ANKS1B: variants seen among roughly 807,000 people sequenced by gnomAD.
ANKS1B encodes the protein ankyrin repeat and sterile alpha motif domain containing 1B.
A neutral mutation model predicts 148.3 loss-of-function variants in ANKS1B; 36 were observed. The ratio of observed to expected loss-of-function variants is 0.24; its 90% CI spans 0.19 to 0.32. ANKS1B has a LOEUF of 0.32. Among genes scored for constraint, ANKS1B ranks in the 10% least tolerant of loss-of-function variants. The pLI, the probability that ANKS1B is intolerant of heterozygous loss-of-function variation, is 1.00. For synonymous variants in ANKS1B, 542 were observed against 560.8 expected, an observed-to-expected ratio of 0.97 and a Z score of 0.47; for missense variants, 1,157 against 1,542.6, an observed-to-expected ratio of 0.75 and a Z score of 4.19.
chr12:99,022,656 G>A (rs1210289873), intron 17 of ANKS1B, among the ~76,000 whole-genome samples: 2 of 151,818 alleles, frequency 1.3e-5, no homozygotes, highest in African/African-American at 4.8e-5. Flanking sequence ...AATTTCGAGG[G>A]TATGTTGAAG....
Position 99,912,580 on chromosome 12 carries a change from G to A in ANKS1B, c.134+71524C>T, listed in dbSNP as rs1049177137. ...TTGGCCAGGCTGGTCTGGAACTCCCGGCCTTAAGCAATCTGCCCGTTTCAG... is the reference window on the plus strand; with the variant it reads ...TTGGCCAGGCTGGTCTGGAACTCCCAGCCTTAAGCAATCTGCCCGTTTCAG... On this transcript the variant is annotated intron_variant, in intron 1 of 26. Transcript: ENST00000683438. Among the ~76,000 whole-genome samples, 11 of 152,200 alleles carry A rather than the reference G, an allele frequency of 7.2e-5. No homozygotes were observed. The East Asian group carries it at 7.7e-4, about 11-fold the overall frequency.
At chr12:99,037,094 T>C (rs146550655) in intron 17 of ANKS1B, among the ~76,000 whole-genome samples, 148 of 152,374 alleles carry the variant, frequency 9.7e-4, no homozygotes, top group African/African-American at 3.4e-3. Context: ...ATGCAAATAC[T>C]AGACCTCACT....
chr12:99,839,505 C>G (rs1438684994), intron 1 of ANKS1B, among the ~76,000 whole-genome samples: 1 of 152,036 alleles, frequency 6.6e-6, no homozygotes, highest in Non-Finnish European at 1.5e-5. Flanking sequence ...ACTACGCAAT[C>G]CACAGAAGGT....
chr12:98,862,750 A>G (rs1342831094), intron 17 of ANKS1B, among the ~76,000 whole-genome samples: 4 of 152,194 alleles, frequency 2.6e-5, no homozygotes, highest in Non-Finnish European at 5.9e-5. Flanking sequence ...TCAATAATGC[A>G]CATCCCCTCT....
chr12:99,051,071 C>T (rs759758028), intron 17 of ANKS1B, among the ~76,000 whole-genome samples: 9 of 152,216 alleles, frequency 5.9e-5, no homozygotes, highest in Middle Eastern at 3.4e-3. Context: ...CCCTAAGCCC[C>T]GGCAGTAAAG....
chr12:99,401,211 A>G (rs962356146), intron 11 of ANKS1B, among the ~76,000 whole-genome samples: 2 of 146,170 alleles, frequency 1.4e-5, no homozygotes, highest in African/African-American at 5.2e-5. Flanking sequence ...ATCAGGGTTT[A>G]ATGTCAGGCT....
At chr12:99,645,694 G>A (rs1359203074) in intron 9 of ANKS1B, among the ~76,000 whole-genome samples, 1 of 152,134 alleles carries the variant, frequency 6.6e-6, no homozygotes, top group African/African-American at 2.4e-5. Flanking sequence ...CTCAAGTTCA[G>A]GTAGTTTTTT....
intron 17 of ANKS1B, among the ~76,000 whole-genome samples, chr12:98,873,660 T>G (rs544809758): frequency 7.9e-5 from 12 of 152,294 alleles, no homozygotes; most frequent in African/African-American, 2.9e-4. Flanking sequence ...AAGGGGCAAC[T>G]GCTCTGAAAC....
In ANKS1B at chr12:99,747,910, C is replaced by T. The variant is rs181717722; in HGVS notation, c.1128+25012G>A. 3.4e-3 allele frequency among the ~76,000 whole-genome samples: 525 copies of T among 152,206 alleles called. 2 individuals carry two copies. Among genetic ancestry groups the T allele is most frequent in the African/African-American group, 0.012 (485 of 41,554 alleles). On this transcript the variant is annotated intron_variant, in intron 8 of 26. Coordinates refer to ENST00000683438, the MANE Select transcript of ANKS1B (RefSeq NM_001352186.2). The stretch of plus-strand genomic sequence containing the variant: ...CATCCAAAAGAAACACATGAGTACA[C>T]CTAAAATCTGAAAGTCAGGAGAAGA...
intron 12 of ANKS1B, among the ~76,000 whole-genome samples, chr12:99,248,467 T>C (rs1204727581): frequency 6.6e-6 from 1 of 152,168 alleles, no homozygotes; most frequent in Non-Finnish European, 1.5e-5. Flanking sequence ...TCTGCATCCA[T>C]CTACTACTAT....
chr12:99,108,693 A>G (rs2059705396), intron 15 of ANKS1B, among the ~76,000 whole-genome samples: 2 of 152,208 alleles, frequency 1.3e-5, no homozygotes, highest in Non-Finnish European at 2.9e-5. Flanking sequence ...GTGACTAAAG[A>G]AATGGTTGCC....
chr12:99,504,686 G>T (rs1206113693), intron 9 of ANKS1B, 45 bp from the exon 10 acceptor site: 3 of 1,385,982 alleles, frequency 2.2e-6, no homozygotes, highest in Admixed American at 2.9e-5. Flanking sequence ...TGAAGAAACA[G>T]CCTTGTTTAA....
At chr12:99,871,001 G>A (rs1218132188) in intron 1 of ANKS1B, among the ~76,000 whole-genome samples, 2 of 151,988 alleles carry the variant, frequency 1.3e-5, no homozygotes, top group Admixed American at 6.6e-5. Flanking sequence ...CTTTCCCAAG[G>A]CCAATGTCCA....
At chr12:99,737,776 T>G (rs889296577) in intron 8 of ANKS1B, among the ~76,000 whole-genome samples, 4 of 152,094 alleles carry the variant, frequency 2.6e-5, no homozygotes, top group African/African-American at 9.6e-5. Context: ...TCTCAAGTTC[T>G]TAGATCCTCG....
chr12:99,195,388 T>C (rs1292130285), intron 14 of ANKS1B, among the ~76,000 whole-genome samples: 2 of 152,104 alleles, frequency 1.3e-5, no homozygotes, highest in Non-Finnish European at 2.9e-5. Context: ...TAGTGTCAAA[T>C]GTTGATTTGG....
chr12:99,068,201 C>T (rs1392721291), intron 16 of ANKS1B, among the ~76,000 whole-genome samples: 1 of 151,962 alleles, frequency 6.6e-6, no homozygotes, highest in East Asian at 1.9e-4. Context: ...CTTGGGTATA[C>T]ATTTGAAATA....
At chr12:99,231,331 A>G (rs2086802847) in intron 14 of ANKS1B, among the ~76,000 whole-genome samples, 1 of 152,060 alleles carries the variant, frequency 6.6e-6, no homozygotes, top group African/African-American at 2.4e-5. Flanking sequence ...TGTCTGTATG[A>G]TTTGACCTAA....
intron 12 of ANKS1B, among the ~76,000 whole-genome samples, chr12:99,392,147 T>A (rs1350136829): frequency 6.6e-6 from 1 of 152,242 alleles, no homozygotes; most frequent in Non-Finnish European, 1.5e-5. Context: ...CTCAGCAGCC[T>A]GTTCCTGGCC....
At chr12:98,795,078 T>C (rs770805883) in intron 22 of ANKS1B, 11 of 596,042 alleles carry the variant, frequency 1.8e-5, no homozygotes, top group Non-Finnish European at 2.7e-5. Context: ...AAATGAAAAA[T>C]GATTAAAATA....
Sources: gnomAD v4.1 joint callset for allele counts (sites outside exome capture counted in the v4.1 genomes callset) on GRCh38, gnomAD v4.1.1 for gene constraint, MANE v1.5 for transcripts, NCBI Gene and HGNC (gene_info 2026-07-23, HGNC 2026-07-21) for gene names.